The following ARB2A variants were observed in gnomAD, a reference collection of about 807,000 sequenced individuals.
ARB2A encodes the protein ARB2 cotranscriptional regulator A, also known as cotranscriptional regulator ARB2A.
At chr5:94,089,495 T>C in the ARB2A span, among the ~76,000 whole-genome samples, 1 of 152,220 alleles carries the variant, frequency 6.6e-6, no homozygotes, top group East Asian at 1.9e-4. Flanking sequence ...TCGGACAGCT[T>C]TTTAAAAACC....
At chr5:93,836,774 C>CA in the ARB2A span, among the ~76,000 whole-genome samples, 1 of 152,036 alleles carries the variant, frequency 6.6e-6, no homozygotes, top group Non-Finnish European at 1.5e-5. Context: ...AATTGAAGGA[C>CA]ATTATTCAGT....
the ARB2A span, among the ~76,000 whole-genome samples, chr5:94,066,055 A>G: frequency 3.9e-5 from 6 of 152,322 alleles, no homozygotes; most frequent in East Asian, 1.9e-4. Flanking sequence ...GAACTTCAGA[A>G]AATGTACAAA....
the ARB2A span, among the ~76,000 whole-genome samples, chr5:93,708,047 T>A: frequency 2.6e-4 from 39 of 152,312 alleles, no homozygotes; most frequent in Admixed American, 9.8e-4. Flanking sequence ...ATTCAATAAT[T>A]GTTAACATTT....
the ARB2A span, among the ~76,000 whole-genome samples, chr5:94,000,887 C>A: frequency 6.6e-6 from 1 of 152,066 alleles, no homozygotes; most frequent in Admixed American, 6.6e-5. Flanking sequence ...TTTGTTCCAG[C>A]AAATTGATTT....
the ARB2A span, chr5:93,733,391 G>C: frequency 6.6e-6 from 1 of 151,670 alleles, no homozygotes; most frequent in Non-Finnish European, 1.5e-5. Context: ...AGTAGAGATG[G>C]GTTTTTACCA....
At chr5:93,809,983 A>T in the ARB2A span, among the ~76,000 whole-genome samples, 1 of 152,084 alleles carries the variant, frequency 6.6e-6, no homozygotes, top group Non-Finnish European at 1.5e-5. Context: ...GAGTAATGAA[A>T]TTCTGTATTT....
chr5:93,692,475 A>C, the ARB2A span, among the ~76,000 whole-genome samples: 2 of 152,230 alleles, frequency 1.3e-5, no homozygotes, highest in Admixed American at 1.3e-4. Flanking sequence ...TAGTAAAGGG[A>C]TCAATGCAAA....
chr5:94,099,644 A>AC, the ARB2A span, among the ~76,000 whole-genome samples: 1 of 150,962 alleles, frequency 6.6e-6, no homozygotes, highest in African/African-American at 2.4e-5. Flanking sequence ...AAAAAAAAAA[A>AC]AAAAAAACCG....
chr5:93,756,947 C>A, the ARB2A span, among the ~76,000 whole-genome samples: 21 of 152,038 alleles, frequency 1.4e-4, no homozygotes, highest in Non-Finnish European at 2.5e-4. Flanking sequence ...CAGAGAAAGG[C>A]GAAGTCCAAT....
the ARB2A span, among the ~76,000 whole-genome samples, chr5:93,942,209 C>G: frequency 2.0e-5 from 3 of 152,130 alleles, no homozygotes; most frequent in Non-Finnish European, 4.4e-5. Context: ...AACACTAGAG[C>G]TGTCATCTCA....
the ARB2A span, among the ~76,000 whole-genome samples, chr5:93,859,984 T>C: frequency 6.6e-6 from 1 of 152,186 alleles, no homozygotes; most frequent in Admixed American, 6.6e-5. Context: ...CCAGGAGGCA[T>C]GCCTAAGAAT....
At chr5:93,706,493 G>A in the ARB2A span, among the ~76,000 whole-genome samples, 1 of 152,128 alleles carries the variant, frequency 6.6e-6, no homozygotes, top group South Asian at 2.1e-4. Context: ...ACAACACTGC[G>A]CATATACTGG....
At chr5:94,056,195 C>T in the ARB2A span, among the ~76,000 whole-genome samples, 3 of 152,178 alleles carry the variant, frequency 2.0e-5, no homozygotes, top group Non-Finnish European at 4.4e-5. Context: ...TCTAGCCCTC[C>T]TTTTCTCTGA....
chr5:93,757,255 T>C, the ARB2A span, among the ~76,000 whole-genome samples: 2 of 152,118 alleles, frequency 1.3e-5, no homozygotes, highest in East Asian at 1.9e-4. Context: ...ATGAGAATAA[T>C]TGGTGTTCCT....
chr5:93,731,737 A>G, the ARB2A span, among the ~76,000 whole-genome samples: 6 of 152,336 alleles, frequency 3.9e-5, no homozygotes, highest in African/African-American at 1.4e-4. Flanking sequence ...GATGGTCTAC[A>G]TTACACATCC....
At chr5:94,020,698 A>G in the ARB2A span, among the ~76,000 whole-genome samples, 3 of 152,174 alleles carry the variant, frequency 2.0e-5, no homozygotes, top group Non-Finnish European at 2.9e-5. Context: ...AGCTATGTGA[A>G]AGAAGGTCAT....
chr5:94,090,213 T>A, the ARB2A span, among the ~76,000 whole-genome samples: 11 of 152,240 alleles, frequency 7.2e-5, no homozygotes, highest in Non-Finnish European at 1.6e-4. Flanking sequence ...AGCAGTGGTT[T>A]GTAGTTCTCC....
the ARB2A span, among the ~76,000 whole-genome samples, chr5:93,693,827 A>C: frequency 1.3e-5 from 2 of 152,206 alleles, no homozygotes; most frequent in African/African-American, 4.8e-5. Flanking sequence ...GCAGCACATC[A>C]AAAAGCTTAT....
chr5:93,673,181 G>A, the ARB2A span, among the ~76,000 whole-genome samples: 1 of 152,142 alleles, frequency 6.6e-6, no homozygotes, highest in South Asian at 2.1e-4. Flanking sequence ...CAAGTGTGAG[G>A]TAATTTTAAA....
Sources: allele counts gnomAD v4.1 joint callset (sites outside exome capture counted in the v4.1 genomes callset), GRCh38; gene constraint gnomAD v4.1.1; transcripts MANE v1.5; gene names NCBI Gene and HGNC (gene_info 2026-07-23, HGNC 2026-07-21).